The following TMPRSS9 variants were observed in gnomAD, a reference collection of about 807,000 sequenced individuals.
The protein encoded by TMPRSS9 is transmembrane serine protease 9.
Under a neutral mutation model 111.4 loss-of-function variants are expected in TMPRSS9, and 113 were observed. The observed-to-expected ratio is 1.01, with a 90% CI of 0.87 to 1.19. TMPRSS9 has a LOEUF of 1.19. TMPRSS9 is among the 50% of genes most tolerant of loss of function. The pLI is 0.00. For synonymous variants in TMPRSS9, 805 were observed against 659.1 expected (o/e 1.22, Z -3.39); for missense variants, 1,803 against 1,513.1 (o/e 1.19, Z -3.18).
chr19:2,421,936 G>A (rs1342278480), exon 14 of TMPRSS9: 2 of 1,613,178 alleles, frequency 1.2e-6, no homozygotes, highest in African/African-American at 1.3e-5. Flanking sequence ...GGTATTGGCT[G>A]CGCTCAGGTT....
chr19:2,378,069 G>T (rs932416539), intron 1 of TMPRSS9, among the ~76,000 whole-genome samples: 2 of 151,822 alleles, frequency 1.3e-5, no homozygotes, highest in Non-Finnish European at 2.9e-5. Flanking sequence ...TCGTAGAGAT[G>T]GGGTCTCACT....
intron 17 of TMPRSS9, 75 bp downstream of exon 18, chr19:2,425,568 C>G: frequency 7.0e-7 from 1 of 1,422,578 alleles, no homozygotes. Flanking sequence ...TGCCACGAAG[C>G]CCACCATCCG....
chr19:2,391,994 G>A (rs921810094), intron 1 of TMPRSS9, among the ~76,000 whole-genome samples: 4 of 151,916 alleles, frequency 2.6e-5, no homozygotes, highest in Non-Finnish European at 5.9e-5. Context: ...CACCTGCCTT[G>A]GCCTCCGAAA....
chr19:2,393,037 A>T (rs1412168322), intron 1 of TMPRSS9, among the ~76,000 whole-genome samples: 13 of 152,156 alleles, frequency 8.5e-5, no homozygotes, highest in Admixed American at 8.5e-4. Context: ...GTCAAAACGG[A>T]CCAGTCAGCT....
intron 14 of TMPRSS9, among the ~76,000 whole-genome samples, chr19:2,423,184 G>T (rs1241745210): frequency 6.6e-6 from 1 of 151,930 alleles, no homozygotes; most frequent in Non-Finnish European, 1.5e-5. Context: ...CAGCCTGGGG[G>T]CTCTCACTTT....
chr19:2,405,409 A>C, exon 7 of TMPRSS9: 1 of 1,606,330 alleles, frequency 6.2e-7, no homozygotes, highest in Non-Finnish European at 8.5e-7. Context: ...GATGGCCGGC[A>C]GGATCGTGGG....
rs1170768601 is a variant in TMPRSS9 at position 2,404,596 on chromosome 19, A to AT, written c.671-778_671-777insT. Among the ~76,000 whole-genome samples the AT allele has an allele frequency of 2.0e-5, 3 of 152,030 alleles. No individual in the cohort carries two copies. In the East Asian group the frequency reaches 5.8e-4, roughly 29 times the overall value. ...ATACAGTAATAATAAGATAGAAGATACAAAGGAAAAAATATCTTTCATGAT... is the reference window on the plus strand; with the variant it reads ...ATACAGTAATAATAAGATAGAAGATATCAAAGGAAAAAATATCTTTCATGAT... On this transcript the variant is annotated intron_variant, in intron 6 of 17. Coordinates refer to ENST00000648592, the Ensembl canonical transcript of TMPRSS9.
rs376625558 is a variant in TMPRSS9 at position 2,393,386 on chromosome 19, C to T, written c.143-3153C>T. 2.0e-4 allele frequency among the ~76,000 whole-genome samples: 30 copies of T among 152,210 alleles called. No individual in the cohort carries two copies. The East Asian group carries it at 3.1e-3, about 16-fold the overall frequency. ...CAACACTCCCTGGGAAGGTCTACAGCGTCACTCCTGAAGCAAGCAAGACCA... is the reference window on the plus strand; with the variant it reads ...CAACACTCCCTGGGAAGGTCTACAGTGTCACTCCTGAAGCAAGCAAGACCA... On this transcript the variant is annotated intron_variant, in intron 1 of 17. Coordinates refer to ENST00000648592, the Ensembl canonical transcript of TMPRSS9.
intron 4 of TMPRSS9, among the ~76,000 whole-genome samples, chr19:2,400,556 A>C (rs912068962): frequency 6.6e-6 from 1 of 151,918 alleles, no homozygotes; most frequent in Middle Eastern, 3.4e-3. Flanking sequence ...AAAAATTAAT[A>C]AAAATAAAAA....
At chr19:2,371,712 A>AGG (rs1205243794) in intron 1 of TMPRSS9, among the ~76,000 whole-genome samples, 3 of 135,496 alleles carry the variant, frequency 2.2e-5, no homozygotes, top group South Asian at 2.2e-4. Context: ...AACAAAACCA[A>AGG]GAAAAAAAAA....
rs554705215 is a variant in TMPRSS9, at chr19:2,405,691, G to C, written c.842+146G>C. The C allele has an allele frequency of 1.8e-4, 131 of 740,378 alleles. 1 individual carries two copies. The South Asian group carries it at 3.8e-3, about 21-fold the overall frequency. 45.9% of individuals were successfully genotyped at this position (740,378 alleles called of 1,614,324 possible). A position where few individuals can be genotyped will look rare whatever the true frequency, so the allele number is the denominator to read the frequency against. Reference sequence around the variant, plus strand: ...TTTCTTTCTTGCTTTTGCTGTTGTTGAATCTGAGGGCATTCTTTTTTTTTT... The same window carrying C: ...TTTCTTTCTTGCTTTTGCTGTTGTTCAATCTGAGGGCATTCTTTTTTTTTT... On this transcript the variant is annotated intron_variant, in intron 7 of 17. Transcript: ENST00000648592.
At chr19:2,424,139 G>C in exon 15 of TMPRSS9, 3 of 1,421,894 alleles carry the variant, frequency 2.1e-6, no homozygotes, top group Non-Finnish European at 2.8e-6. Context: ...CGGCAGCGCA[G>C]CGGGCCGTGG....
rs139639984 is a variant in TMPRSS9 at position 2,381,519 on chromosome 19, G to A, written c.-25-8242G>A. 2.5e-3 allele frequency among the ~76,000 whole-genome samples: 382 copies of A among 152,144 alleles called. 5 individuals carry two copies. Among genetic ancestry groups the A allele is most frequent in the African/African-American group, 8.4e-3 (349 of 41,516 alleles). On this transcript the variant is annotated intron_variant, in intron 1 of 17. Coordinates refer to the TMPRSS9 transcript ENST00000649857. ...CGTCTGAAGGCAGTTCAACTCAAGC[G>A]TAAGAGTAAATGGGAAAGTGTGGTG... is the stretch of plus-strand genomic sequence containing the variant.
At chr19:2,394,437 G>A (rs964164627) in intron 1 of TMPRSS9, among the ~76,000 whole-genome samples, 4 of 152,144 alleles carry the variant, frequency 2.6e-5, no homozygotes, top group Admixed American at 6.6e-5. Flanking sequence ...TTCGCAAACA[G>A]CTCACCATTT....
chr19:2,424,631 C>G (rs897063577), intron 15 of TMPRSS9, among the ~76,000 whole-genome samples: 14 of 152,020 alleles, frequency 9.2e-5, no homozygotes, highest in African/African-American at 3.4e-4. Flanking sequence ...CCCCCCAAAG[C>G]CCACCCAGTA....
rs753075926 is a variant in TMPRSS9, at chr19:2,403,202, C to T, written c.670+7C>T. ...TCCGACGAGGCGCACTGCGGTCAGT[C>T]TGCCTGTCTGGCCTGGTCTCTGGGC... On this transcript the variant is annotated splice_region_variant and intron_variant, in intron 6 of 17. Coordinates refer to ENST00000648592, the Ensembl canonical transcript of TMPRSS9. 6.3e-7 allele frequency: 1 copy of T among 1,597,944 alleles called. No individual in the cohort carries two copies.
intron 17 of TMPRSS9, 98 bp downstream of exon 18, chr19:2,425,591 C>T (rs1400333875): frequency 2.2e-6 from 3 of 1,391,112 alleles, no homozygotes; most frequent in East Asian, 2.9e-5. Context: ...AGCCACCCTC[C>T]GGTGCAGGCT....
chr19:2,416,798 AG>A lies in TMPRSS9; in HGVS notation c.2008del (p.Glu670LysfsTer18). 6.2e-7 allele frequency: 1 copy of A among 1,609,318 alleles called. No individual in the cohort carries two copies. The highest frequency in any genetic ancestry group is 8.5e-7 in the Non-Finnish European group (1 of 1,178,940). On this transcript the variant is annotated frameshift_variant, in exon 12 of 18. Transcript: ENST00000648592. LOFTEE classifies it high-confidence loss of function. The stretch of plus-strand genomic sequence containing the variant: ...ATGATCTCCGGATGGGGAAATACGC[AG>A]GAAGGAAATGGTGAGCGCTGCCCCA...
At chr19:2,361,881 G>C (rs1467717750) in intron 1 of TMPRSS9, among the ~76,000 whole-genome samples, 2 of 152,198 alleles carry the variant, frequency 1.3e-5, no homozygotes, top group Non-Finnish European at 2.9e-5. Flanking sequence ...TTGCAGATCA[G>C]GGATGCCCCG....
Sources: allele counts gnomAD v4.1 joint callset (sites outside exome capture counted in the v4.1 genomes callset), GRCh38; gene constraint gnomAD v4.1.1; transcripts MANE v1.5; gene names NCBI Gene and HGNC (gene_info 2026-07-23, HGNC 2026-07-21).